The following DCUN1D3 variants were observed in gnomAD, a reference collection of about 807,000 sequenced individuals.
DCUN1D3 encodes the protein defective in cullin neddylation 1 domain containing 3.
DCUN1D3 carries 6 observed loss-of-function variants against 24.8 expected under a neutral mutation model. That is an observed-to-expected ratio of 0.24 (90% CI 0.13 to 0.48). The LOEUF (loss-of-function observed/expected upper bound fraction) is 0.48. DCUN1D3 is among the 20% of genes least tolerant of loss of function. DCUN1D3 has a pLI of 0.99. For synonymous variants in DCUN1D3, 120 were observed against 144.9 expected (o/e 0.83, Z 1.24); for missense variants, 258 against 379.4 (o/e 0.68, Z 2.66).
chr16:20,883,278 C>G (rs367549460), intron 1 of DCUN1D3, among the ~76,000 whole-genome samples: 1 of 152,054 alleles, frequency 6.6e-6, no homozygotes, highest in Non-Finnish European at 1.5e-5. Context: ...TTTGGGAGGC[C>G]GAGGCGGACG....
chr16:20,891,407 G>A (rs1452183278), intron 1 of DCUN1D3, among the ~76,000 whole-genome samples: 1 of 152,218 alleles, frequency 6.6e-6, no homozygotes, highest in Non-Finnish European at 1.5e-5. Flanking sequence ...AATGTCAAGA[G>A]CCACTATCCA....
chr16:20,896,293 T>G (rs891390238), intron 1 of DCUN1D3: 2 of 152,206 alleles, frequency 1.3e-5, no homozygotes, highest in Admixed American at 1.3e-4. Context: ...TGTAATGCAA[T>G]GTAAAACCAC....
In DCUN1D3 at chr16:20,859,325, A is replaced by T. The variant is rs1337094681; in HGVS notation, c.*561T>A. 1 of 152,640 alleles carries T rather than the reference A, an allele frequency of 6.6e-6. No homozygotes were observed. 9.5% of individuals were successfully genotyped at this position (152,640 alleles called of 1,614,324 possible). A position where few individuals can be genotyped will look rare whatever the true frequency, so the allele number is the denominator to read the frequency against. On this transcript the variant is annotated 3_prime_UTR_variant, in exon 3 of 3. Transcript: ENST00000324344. ...CTCTAAATCGCCTGGGAATTAATGC[A>T]ATGTGGTTAACAGTTAACACTGCTA...
In DCUN1D3 at chr16:20,877,055, T is replaced by C. The variant is rs1242884369; in HGVS notation, c.-105-14412A>G. 2.4e-4 allele frequency among the ~76,000 whole-genome samples: 37 copies of C among 152,124 alleles called. 1 individual carries two copies. Among genetic ancestry groups the C allele is most frequent in the Admixed American group, 2.4e-3 (37 of 15,266 alleles). On this transcript the variant is annotated intron_variant, in intron 1 of 2. Coordinates refer to ENST00000324344, the MANE Select transcript of DCUN1D3 (RefSeq NM_173475.4). The stretch of plus-strand genomic sequence containing the variant: ...GTAGGGTGACTCCAGTCAACAATAA[T>C]CTAATGTACATTTCAAAATAGGTGG...
chr16:20,868,807 GAAGA>G (rs2081774817), intron 1 of DCUN1D3: 1 of 151,864 alleles, frequency 6.6e-6, no homozygotes, highest in South Asian at 2.1e-4. Flanking sequence ...AGAAAAGGCA[GAAGA>G]AAGAAGGAAA....
Position 20,860,766 on chromosome 16 carries a change from C to A in DCUN1D3, c.432-397G>T, listed in dbSNP as rs1205687668. On this transcript the variant is annotated intron_variant, in intron 2 of 2. Coordinates refer to ENST00000324344, the MANE Select transcript of DCUN1D3 (RefSeq NM_173475.4). This position sits in a 1 kb window ranked among gnomAD's most constrained non-coding sequence, Gnocchi z 4.3. ...GAGGCTTCCTGTTTCCCTTCTGATT[C>A]TCTATGGGTTGTTTGTTTGGGGTAT... Among the ~76,000 whole-genome samples, 1 of 152,190 alleles carries A rather than the reference C, an allele frequency of 6.6e-6. No homozygotes were observed. The highest frequency in any genetic ancestry group is 2.1e-4 in the South Asian group (1 of 4,828).
At chr16:20,883,281 G>A (rs1596637715) in intron 1 of DCUN1D3, among the ~76,000 whole-genome samples, 1 of 152,304 alleles carries the variant, frequency 6.6e-6, no homozygotes, top group East Asian at 1.9e-4. Context: ...GGGAGGCCGA[G>A]GCGGACGGAT....
At chr16:20,869,498 T>A (rs1722679832) in intron 1 of DCUN1D3, among the ~76,000 whole-genome samples, 1 of 152,096 alleles carries the variant, frequency 6.6e-6, no homozygotes, top group Non-Finnish European at 1.5e-5. Context: ...AGGAAACAGG[T>A]CTCTTAACTA....
In DCUN1D3 at chr16:20,859,819, G is replaced by A. The variant is rs2081722382; in HGVS notation, c.*67C>T. On this transcript the variant is annotated 3_prime_UTR_variant, in exon 3 of 3. Coordinates refer to ENST00000324344, the MANE Select transcript of DCUN1D3 (RefSeq NM_173475.4). ...CCGGATCTTCAGTAATTTCCAAAATGGTCCAATTCCTCAGTTGGCTGCAGG... is the reference window on the plus strand; with the variant it reads ...CCGGATCTTCAGTAATTTCCAAAATAGTCCAATTCCTCAGTTGGCTGCAGG... The A allele has an allele frequency of 6.6e-7, 1 of 1,514,422 alleles. No homozygotes were observed. Among genetic ancestry groups the A allele is most frequent in the Non-Finnish European group, 8.8e-7 (1 of 1,131,976 alleles). The allele number at this position is 1,514,422 out of a possible 1,614,324, so 93.8% of individuals were successfully genotyped here. A position where few individuals can be genotyped will look rare whatever the true frequency, so the allele number is the denominator to read the frequency against.
intron 1 of DCUN1D3, among the ~76,000 whole-genome samples, chr16:20,864,793 C>G (rs1263304559): frequency 6.7e-6 from 1 of 149,990 alleles, no homozygotes; most frequent in Non-Finnish European, 1.5e-5. Flanking sequence ...ATATACACCA[C>G]GGAACGCTAT....
chr16:20,898,893 AT>A (rs1354665794), intron 1 of DCUN1D3, among the ~76,000 whole-genome samples: 3 of 152,240 alleles, frequency 2.0e-5, no homozygotes, highest in East Asian at 1.9e-4. Context: ...GTGCTCCTTG[AT>A]TTTTTTTAAA....
chr16:20,880,676 G>GATACTTTC (rs2081839434), intron 1 of DCUN1D3, among the ~76,000 whole-genome samples: 2 of 144,310 alleles, frequency 1.4e-5, no homozygotes, highest in Non-Finnish European at 3.0e-5. Context: ...GCATCTAAGA[G>GATACTTTC]ATACTTTCTA....
rs2081737564 is a variant in DCUN1D3, at chr16:20,862,294, T to C, written c.245A>G (p.Asn82Ser). Reference protein sequence around the residue: ...SGDAGRESKSNAEESSLQRLE... With the variant: ...SGDAGRESKSSAEESSLQRLE... ...TCTTTGCAAGGAAGACTCCTCGGCA[T>C]TGGACTTGGACTCCCTCCCAGCATC... The change falls in exon 2 of 3, where the codon AAT (asparagine) becomes AGT (serine). Residue 82 changes from asparagine (N) to serine (S), a missense_variant. Asn to Ser is a conservative substitution (Grantham distance 46). Coordinates refer to ENST00000324344, the MANE Select transcript of DCUN1D3 (RefSeq NM_173475.4). The C allele has an allele frequency of 6.2e-7, 1 of 1,614,090 alleles. No individual in the cohort carries two copies. Among genetic ancestry groups the C allele is most frequent in the African/African-American group, 1.3e-5 (1 of 74,936 alleles).
At chr16:20,892,490 T>C (rs745320881) in intron 1 of DCUN1D3, among the ~76,000 whole-genome samples, 1 of 152,308 alleles carries the variant, frequency 6.6e-6, no homozygotes, top group East Asian at 1.9e-4. Context: ...AGTCATTAAG[T>C]AGACATAAAG....
At chr16:20,870,286 C>A (rs1036827629) in intron 1 of DCUN1D3, among the ~76,000 whole-genome samples, 5 of 152,178 alleles carry the variant, frequency 3.3e-5, no homozygotes, top group African/African-American at 9.7e-5. Context: ...ACTCCTTGCC[C>A]AAGACTATCA....
At chr16:20,873,145 C>G (rs924844238) in intron 1 of DCUN1D3, among the ~76,000 whole-genome samples, 17 of 150,796 alleles carry the variant, frequency 1.1e-4, no homozygotes, top group African/African-American at 4.1e-4. Context: ...AAACAACTAA[C>G]CAATCCAATG....
rs1279628881 is a variant in DCUN1D3, at chr16:20,855,496, GA to G, written c.*4389del. On this transcript the variant is annotated 3_prime_UTR_variant, in exon 3 of 3. Coordinates refer to ENST00000324344, the MANE Select transcript of DCUN1D3 (RefSeq NM_173475.4). The stretch of plus-strand genomic sequence containing the variant: ...ATGGGTGGCGGAAGTAGGTATTTAT[GA>G]GATAGGCTGGGTTTCCAAGAAGAGA... The G allele has an allele frequency of 6.6e-6, 1 of 152,262 alleles. No homozygotes were observed. The highest frequency in any genetic ancestry group is 1.9e-4 in the East Asian group (1 of 5,206). The allele number at this position is 152,262 out of a possible 1,614,324, so 9.4% of individuals were successfully genotyped here. A position where few individuals can be genotyped will look rare whatever the true frequency, so the allele number is the denominator to read the frequency against.
chr16:20,867,790 G>A (rs1169991895), intron 1 of DCUN1D3, among the ~76,000 whole-genome samples: 2 of 152,142 alleles, frequency 1.3e-5, no homozygotes, highest in African/African-American at 4.8e-5. Context: ...AGGCCCAGCT[G>A]GCCAGGACTT....
At chr16:20,873,586 A>G (rs1448542589) in intron 1 of DCUN1D3, among the ~76,000 whole-genome samples, 1 of 152,252 alleles carries the variant, frequency 6.6e-6, no homozygotes, top group African/African-American at 2.4e-5. Flanking sequence ...CCTTCCCAGC[A>G]TCCAGGCTCT....
Sources: allele counts gnomAD v4.1 joint callset (sites outside exome capture counted in the v4.1 genomes callset), GRCh38; gene constraint gnomAD v4.1.1; non-coding constraint Gnocchi (gnomAD v3.1); transcripts MANE v1.5; gene names NCBI Gene and HGNC (gene_info 2026-07-23, HGNC 2026-07-21).